Variants in SRSF8 observed in about 807,000 individuals in gnomAD.
SRSF8 encodes the protein serine and arginine rich splicing factor 8.
Under a neutral mutation model 2.0 loss-of-function variants are expected in SRSF8, and 3 were observed. That is an observed-to-expected ratio of 1.47 (90% confidence interval 0.67 to 3.79). The LOEUF (loss-of-function observed/expected upper bound fraction) is 3.79, where lower values mean the gene tolerates loss of function less well. Ranked by LOEUF, SRSF8 falls within the 30% of genes most tolerant of loss-of-function variation. The pLI is 0.02. For synonymous variants in SRSF8, 162 were observed against 170.7 expected (o/e 0.95, Z 0.40); for missense variants, 408 against 410.9 (o/e 0.99, Z 0.06).
At position 95,067,745 on chromosome 11, in the gene SRSF8, T is replaced by C. The variant is rs782497467; in HGVS notation, c.519T>C (p.Ser173=). The C allele has an allele frequency of 1.2e-6, 2 of 1,614,022 alleles. No homozygotes were observed. The change falls in exon 1 of 1, where the codon TCT becomes TCC. Residue 173 remains serine, a synonymous_variant. Coordinates refer to ENST00000587424, the MANE Select transcript of SRSF8 (RefSeq NM_032102.4). ...ACAGCCGGTCGCGCTACAGCCGCTC[T>C]CCCTACAGCAGATCTCGCTACAGGG... ...SPYSRSRYSR[S]PYSRSRYRES...
Position 95,067,439 on chromosome 11 carries a change from C to T in SRSF8, c.213C>T (p.Ala71=), listed in dbSNP as rs1590996356. Residue 71 remains alanine (A), a synonymous_variant, in exon 1 of 1, where the codon GCC becomes GCT. Transcript: ENST00000587424. The part of the protein sequence containing the change: ...RFHDRRDAQD[A]EAAMDGAELD... ...ACGACCGGCGCGACGCCCAAGACGC[C>T]GAGGCCGCCATGGACGGGGCGGAGC... The T allele has an allele frequency of 6.5e-7, 1 of 1,544,136 alleles. No homozygotes were observed. The highest frequency in any genetic ancestry group is 2.5e-5 in the East Asian group (1 of 39,888).
Position 95,067,182 on chromosome 11 carries a change from GC to G in SRSF8, c.-42del. 7.2e-7 allele frequency: 1 copy of G among 1,383,342 alleles called. No homozygotes were observed. The highest frequency in any genetic ancestry group is 9.4e-7 in the Non-Finnish European group (1 of 1,059,242). The allele number at this position is 1,383,342 out of a possible 1,614,324, so 85.7% of individuals were successfully genotyped here. On this transcript the variant is annotated 5_prime_UTR_variant, in exon 1 of 1. Coordinates refer to ENST00000587424, the MANE Select transcript of SRSF8 (RefSeq NM_032102.4). ...AAGAAACGCAGGTCGCACCGTCAGCGCCCAGAGCAGCGCCAGTTTCCGGGCC... is the reference window on the plus strand; with the variant it reads ...AAGAAACGCAGGTCGCACCGTCAGCGCCAGAGCAGCGCCAGTTTCCGGGCC...
upstream of SRSF8, among the ~76,000 whole-genome samples, chr11:95,066,878 T>C (rs1352694237): frequency 2.6e-5 from 4 of 152,192 alleles, no homozygotes; most frequent in African/African-American, 9.6e-5. Flanking sequence ...GGGAGGAGCA[T>C]GGGAGGGTGG....
rs782531862 is a variant in SRSF8 at position 95,067,992 on chromosome 11, G to T, written c.766G>T (p.Val256Leu). 5.0e-6 allele frequency: 8 copies of T among 1,613,946 alleles called. No homozygotes were observed. Among genetic ancestry groups the T allele is most frequent in the South Asian group, 3.3e-5 (3 of 91,074 alleles). Residue 256 changes from valine (V) to leucine (L), a missense_variant, in exon 1 of 1, where the codon GTA (valine) becomes TTA (leucine). This residue lies in a region of SRSF8 where 346 missense variants were observed against 316.5 expected (regional missense o/e 1.09). Transcript: ENST00000587424. Reference sequence around the variant, plus strand: ...ATCTATGACCAGGAGTCCTCCCCGGGTATCCAAGAGGAAATCCAAGTCAAG... The same window carrying T: ...ATCTATGACCAGGAGTCCTCCCCGGTTATCCAAGAGGAAATCCAAGTCAAG... Reference protein sequence around the residue: ...SSSMTRSPPRVSKRKSKSRSR... With the variant: ...SSSMTRSPPRLSKRKSKSRSR...
Position 95,067,877 on chromosome 11 carries a change from C to CA in SRSF8, c.651_652insA (p.Ser218IlefsTer58). On this transcript the variant is annotated frameshift_variant, in exon 1 of 1. Transcript: ENST00000587424. LOFTEE classifies it high-confidence loss of function. ...ACTCGAAGTCTGGGTCCTCCACTAGCTCTCGCTCTGCATCAACCTCCAAAT... is the reference window on the plus strand; with the variant it reads ...ACTCGAAGTCTGGGTCCTCCACTAGCATCTCGCTCTGCATCAACCTCCAAAT... 1 of 1,614,046 alleles carries CA rather than the reference C, an allele frequency of 6.2e-7. No homozygotes were observed. The highest frequency in any genetic ancestry group is 1.1e-5 in the South Asian group (1 of 91,082).
chr11:95,067,283 C>T lies in SRSF8; in HGVS notation c.57C>T (p.Asp19=). Residue 19 remains aspartate (D), a synonymous_variant, in exon 1 of 1, where the codon GAC becomes GAT. Coordinates refer to ENST00000587424, the MANE Select transcript of SRSF8 (RefSeq NM_032102.4). The stretch of plus-strand genomic sequence containing the variant: ...ACGGCATGATCACCCTCAAGGTGGA[C>T]AACCTGACCTACCGCACCTCTCCCG... ...DVDGMITLKV[D]NLTYRTSPDS... is the part of the protein sequence containing the mutation. The T allele has an allele frequency of 6.3e-7, 1 of 1,589,030 alleles. No individual in the cohort carries two copies.
In SRSF8 at chr11:95,070,851, A is replaced by G. The variant is rs1858727546; in HGVS notation, c.*2776A>G. On this transcript the variant is annotated 3_prime_UTR_variant, in exon 1 of 1. Transcript: ENST00000587424. ...GGGAAATTAATGAAAAAGCAGAATT[A>G]AGGATGACTTCTCACTGGCTTGAAA... 3 of 167,130 alleles carry G rather than the reference A, an allele frequency of 1.8e-5. No homozygotes were observed. Among genetic ancestry groups the G allele is most frequent in the African/African-American group, 4.8e-5 (2 of 41,442 alleles). The allele number at this position is 167,130 out of a possible 1,614,324, so 10.4% of individuals were successfully genotyped here. A position where few individuals can be genotyped will look rare whatever the true frequency, so the allele number is the denominator to read the frequency against.
chr11:95,068,690 C>T lies in SRSF8; in HGVS notation c.*615C>T, dbSNP rs1858691328. 1 of 169,622 alleles carries T rather than the reference C, an allele frequency of 5.9e-6. No homozygotes were observed. Among genetic ancestry groups the T allele is most frequent in the African/African-American group, 2.4e-5 (1 of 41,462 alleles). The allele number at this position is 169,622 out of a possible 1,614,324, so 10.5% of individuals were successfully genotyped here. ...GTAGCAGTTGAGTGATGCTGGTTAG[C>T]TATTAAGGTGGCCTGTTGCAGTGCA... is the stretch of plus-strand genomic sequence containing the variant. On this transcript the variant is annotated 3_prime_UTR_variant, in exon 1 of 1. Coordinates refer to ENST00000587424, the MANE Select transcript of SRSF8 (RefSeq NM_032102.4).
Position 95,069,854 on chromosome 11 carries a change from C to T in SRSF8, c.*1779C>T, listed in dbSNP as rs1180798214. 6.0e-6 allele frequency: 1 copy of T among 167,082 alleles called. No individual in the cohort carries two copies. Among genetic ancestry groups the T allele is most frequent in the African/African-American group, 2.4e-5 (1 of 41,434 alleles). The allele number at this position is 167,082 out of a possible 1,614,324, so 10.3% of individuals were successfully genotyped here. ...TGGCATCGTAGTAGCCCCTCGCGTCCAGCAGGTGGCGAAGGGAGGTGAGGT... is the reference window on the plus strand; with the variant it reads ...TGGCATCGTAGTAGCCCCTCGCGTCTAGCAGGTGGCGAAGGGAGGTGAGGT... On this transcript the variant is annotated 3_prime_UTR_variant, in exon 1 of 1. Transcript: ENST00000587424.
In SRSF8 at chr11:95,069,086, T is replaced by C. The variant is rs1858698651; in HGVS notation, c.*1011T>C. ...AGTTAAAATTGTTTTCTTGGTGTTATCTTTTCTCAGAATAAAATTAGAAAC... is the reference window on the plus strand; with the variant it reads ...AGTTAAAATTGTTTTCTTGGTGTTACCTTTTCTCAGAATAAAATTAGAAAC... On this transcript the variant is annotated 3_prime_UTR_variant, in exon 1 of 1. Transcript: ENST00000587424. 1.8e-5 allele frequency: 3 copies of C among 167,080 alleles called. No individual in the cohort carries two copies. In the South Asian group the frequency reaches 6.2e-4, roughly 35 times the overall value. 10.3% of individuals were successfully genotyped at this position (167,080 alleles called of 1,614,324 possible).
Position 95,068,438 on chromosome 11 carries a change from A to G in SRSF8, c.*363A>G. 1 of 245,774 alleles carries G rather than the reference A, an allele frequency of 4.1e-6. No homozygotes were observed. Among genetic ancestry groups the G allele is most frequent in the South Asian group, 6.6e-5 (1 of 15,154 alleles). The allele number at this position is 245,774 out of a possible 1,614,324, so 15.2% of individuals were successfully genotyped here. The stretch of plus-strand genomic sequence containing the variant: ...TCCTGACTTTTAAGGAAACGTGTGC[A>G]GCCATTACACACAGCCTAACGCTGT... On this transcript the variant is annotated 3_prime_UTR_variant, in exon 1 of 1. Transcript: ENST00000587424.
At position 95,066,994 on chromosome 11, in the gene SRSF8, G is replaced by C. The variant is rs1858652657; in HGVS notation, c.-233G>C. Among the ~76,000 whole-genome samples the C allele has an allele frequency of 6.6e-6, 1 of 152,228 alleles. No homozygotes were observed. Among genetic ancestry groups the C allele is most frequent in the Non-Finnish European group, 1.5e-5 (1 of 68,042 alleles). Reference sequence around the variant, plus strand: ...GGATCTTCGGGGCCTGGCTTCATTTGGAGTTCAGCTACCAAAAGGAAACCT... The same window carrying C: ...GGATCTTCGGGGCCTGGCTTCATTTCGAGTTCAGCTACCAAAAGGAAACCT... On this transcript the variant is annotated 5_prime_UTR_variant, in exon 1 of 1. Coordinates refer to ENST00000587424, the MANE Select transcript of SRSF8 (RefSeq NM_032102.4).
At position 95,067,855 on chromosome 11, in the gene SRSF8, C is replaced by G; in HGVS notation, c.629C>G (p.Ser210Trp). ...YSRYHSSRSH[S>W]KSGSSTSSRS... is the part of the protein sequence containing the mutation. ...CGATATCACAGCAGCCGGTCTCACT[C>G]GAAGTCTGGGTCCTCCACTAGCTCT... is the stretch of plus-strand genomic sequence containing the variant. The change falls in exon 1 of 1, where the codon TCG becomes TGG. Residue 210 changes from serine to tryptophan, a missense_variant. Ser to Trp is a radical substitution (Grantham distance 177, BLOSUM62 -3). Coordinates refer to ENST00000587424, the MANE Select transcript of SRSF8 (RefSeq NM_032102.4). 2 of 1,614,030 alleles carry G rather than the reference C, an allele frequency of 1.2e-6. No homozygotes were observed. Among genetic ancestry groups the G allele is most frequent in the South Asian group, 2.2e-5 (2 of 91,092 alleles).
rs998678483 is a variant in SRSF8 at position 95,068,839 on chromosome 11, C to A, written c.*764C>A. 14 of 167,148 alleles carry A rather than the reference C, an allele frequency of 8.4e-5. No homozygotes were observed. The highest frequency in any genetic ancestry group is 5.9e-4 in the Admixed American group (9 of 15,278). 10.4% of individuals were successfully genotyped at this position (167,148 alleles called of 1,614,324 possible). ...CAACTGCACTTCCAGTCACCCAGGCCTTGCAGATAAATAATGGAGCATGCA... is the reference window on the plus strand; with the variant it reads ...CAACTGCACTTCCAGTCACCCAGGCATTGCAGATAAATAATGGAGCATGCA... On this transcript the variant is annotated 3_prime_UTR_variant, in exon 1 of 1. Transcript: ENST00000587424.
rs368019492 is a variant in SRSF8, at chr11:95,068,113, T to C, written c.*38T>C. On this transcript the variant is annotated 3_prime_UTR_variant, in exon 1 of 1. Coordinates refer to ENST00000587424, the MANE Select transcript of SRSF8 (RefSeq NM_032102.4). ...TCAGGAAGCAACGTGATGGAGGACT[T>C]GGGGGAAAAGGATCACATACTCAGT... 1 of 1,567,444 alleles carries C rather than the reference T, an allele frequency of 6.4e-7. No homozygotes were observed. The highest frequency in any genetic ancestry group is 8.7e-7 in the Non-Finnish European group (1 of 1,149,376).
Position 95,070,587 on chromosome 11 carries a change from T to G in SRSF8, c.*2512T>G, listed in dbSNP as rs1858724262. ...TTTGCATTTTATTAGTACCATGATC[T>G]AACCAACTGAGCTAACTGGCCACAC... On this transcript the variant is annotated 3_prime_UTR_variant, in exon 1 of 1. Transcript: ENST00000587424. 6.0e-6 allele frequency: 1 copy of G among 166,992 alleles called. No individual in the cohort carries two copies. Among genetic ancestry groups the G allele is most frequent in the South Asian group, 2.1e-4 (1 of 4,820 alleles). 10.3% of individuals were successfully genotyped at this position (166,992 alleles called of 1,614,324 possible). A position where few individuals can be genotyped will look rare whatever the true frequency, so the allele number is the denominator to read the frequency against.
chr11:95,066,938 T>G lies in SRSF8; in HGVS notation c.-289T>G, dbSNP rs1858651588. Among the ~76,000 whole-genome samples, 1 of 152,192 alleles carries G rather than the reference T, an allele frequency of 6.6e-6. No individual in the cohort carries two copies. Among genetic ancestry groups the G allele is most frequent in the African/African-American group, 2.4e-5 (1 of 41,448 alleles). On this transcript the variant is annotated 5_prime_UTR_variant, in exon 1 of 1. It adds an upstream start codon to the 5' untranslated region. Coordinates refer to ENST00000587424, the MANE Select transcript of SRSF8 (RefSeq NM_032102.4). ...GTGATTACATTAGCTGGGCGCTGAT[T>G]AGGTTAGGATGTTGCCCAGGTACAA...
rs782051592 is a variant in SRSF8 at position 95,067,696 on chromosome 11, G to C, written c.470G>C (p.Arg157Pro). The change falls in exon 1 of 1, where the codon CGG becomes CCG. Residue 157 changes from arginine to proline, a missense_variant. Coordinates refer to ENST00000587424, the MANE Select transcript of SRSF8 (RefSeq NM_032102.4). ...RSRYRGSRYS[R>P]SPYSRSPYSR... is the part of the protein sequence containing the mutation. ...CGCTATAGGGGTTCTCGCTATAGCCGGTCTCCCTACAGCCGATCTCCTTAC... is the reference window on the plus strand; with the variant it reads ...CGCTATAGGGGTTCTCGCTATAGCCCGTCTCCCTACAGCCGATCTCCTTAC... 3 of 1,613,936 alleles carry C rather than the reference G, an allele frequency of 1.9e-6. No individual in the cohort carries two copies. The highest frequency in any genetic ancestry group is 1.7e-5 in the Admixed American group (1 of 60,014).
chr11:95,067,660 G>T lies in SRSF8; in HGVS notation c.434G>T (p.Arg145Leu), dbSNP rs782497681. Residue 145 changes from arginine (R) to leucine (L), a missense_variant, in exon 1 of 1, where the codon CGC becomes CTC. Arg to Leu is a moderately radical substitution (Grantham distance 102). Transcript: ENST00000587424. ...RSRGPSCSRS[R>L]SRSRYRGSRY... Reference sequence around the variant, plus strand: ...CGGGGTCCCAGCTGCTCCAGGTCCCGCAGCCGATCTCGCTATAGGGGTTCT... The same window carrying T: ...CGGGGTCCCAGCTGCTCCAGGTCCCTCAGCCGATCTCGCTATAGGGGTTCT... The T allele has an allele frequency of 1.9e-6, 3 of 1,610,108 alleles. No homozygotes were observed. Among genetic ancestry groups the T allele is most frequent in the East Asian group, 4.5e-5 (2 of 44,718 alleles).
Sources: gnomAD v4.1 joint callset for allele counts (sites outside exome capture counted in the v4.1 genomes callset) on GRCh38, gnomAD v4.1.1 for gene constraint, gnomAD v4.1.1 regional missense constraint, MANE v1.5 for transcripts, NCBI Gene and HGNC (gene_info 2026-07-23, HGNC 2026-07-21) for gene names.